VANGL1: variants seen among roughly 807,000 people sequenced by gnomAD.
The protein encoded by VANGL1 is vang-like protein 1.
Under a neutral mutation model 48.4 loss-of-function variants are expected in VANGL1, and 18 were observed. That is an observed-to-expected ratio of 0.37 (90% CI 0.26 to 0.55). The LOEUF (loss-of-function observed/expected upper bound fraction) is 0.55, where lower values mean the gene tolerates loss of function less well. Among genes scored for constraint, VANGL1 ranks in the 20% least tolerant of loss-of-function variants. VANGL1 has a pLI of 0.81. For synonymous variants in VANGL1, 257 were observed against 261.8 expected, an observed-to-expected ratio of 0.98 and a Z score of 0.18; for missense variants, 667 against 675.8, an observed-to-expected ratio of 0.99 and a Z score of 0.14.
intron 3 of VANGL1, among the ~76,000 whole-genome samples, chr1:115,661,761 G>A (rs908761356): frequency 4.6e-5 from 7 of 152,012 alleles, no homozygotes; most frequent in Non-Finnish European, 7.4e-5. Context: ...GGGATTACAG[G>A]CACGCACCAC....
chr1:115,650,690 C>T (rs892781028), intron 1 of VANGL1, among the ~76,000 whole-genome samples: 12 of 151,792 alleles, frequency 7.9e-5, no homozygotes, highest in Non-Finnish European at 1.3e-4. Context: ...TTTTCCTTAC[C>T]TATTCCTGTA....
chr1:115,668,975 A>G (rs901069066), intron 4 of VANGL1, among the ~76,000 whole-genome samples: 19 of 152,246 alleles, frequency 1.2e-4, no homozygotes, highest in Non-Finnish European at 2.4e-4. Context: ...GACAGAGGCT[A>G]CTAGGATGTT....
Position 115,685,279 on chromosome 1 carries a change from G to C in VANGL1, c.1080-14G>C, listed in dbSNP as rs371667583. On this transcript the variant is annotated splice_polypyrimidine_tract_variant and intron_variant, in intron 6 of 7. Transcript: ENST00000355485. ...GGCACCATCCTGATTACTTAGTGTT[G>C]CATCACCTTCTAGGCTGGTGGTTGC... 1.6e-5 allele frequency: 26 copies of C among 1,613,400 alleles called. No individual in the cohort carries two copies. Among genetic ancestry groups the C allele is most frequent in the Non-Finnish European group, 2.2e-5 (26 of 1,179,592 alleles).
Position 115,678,730 on chromosome 1 carries a change from C to T in VANGL1, c.813-3634C>T, listed in dbSNP as rs370642200. On this transcript the variant is annotated intron_variant, in intron 4 of 7. Transcript: ENST00000355485. ...CAGAACTTTGGGAGGCCAAGGTAGG[C>T]GGATCACTTGAGCTCAGGAGTTCAA... is the stretch of plus-strand genomic sequence containing the variant. 1.7e-4 allele frequency among the ~76,000 whole-genome samples: 26 copies of T among 152,076 alleles called. 2 individuals carry two copies. Among genetic ancestry groups the T allele is most frequent in the Admixed American group, 9.8e-4 (15 of 15,270 alleles).
chr1:115,672,267 T>C (rs1653003169), intron 4 of VANGL1, among the ~76,000 whole-genome samples: 1 of 152,174 alleles, frequency 6.6e-6, no homozygotes, highest in Non-Finnish European at 1.5e-5. Flanking sequence ...CCAATCTGCA[T>C]GTTCATCTTT....
chr1:115,682,314 T>C, intron 4 of VANGL1, 50 bp from the exon 5 acceptor site: 1 of 1,610,286 alleles, frequency 6.2e-7, no homozygotes, highest in Non-Finnish European at 8.5e-7. Context: ...GTTTAGGACC[T>C]GCTTCTTCAG....
chr1:115,656,560 G>A (rs1652362613), intron 2 of VANGL1, among the ~76,000 whole-genome samples: 1 of 152,238 alleles, frequency 6.6e-6, no homozygotes, highest in Admixed American at 6.5e-5. Flanking sequence ...GGTTTTTAAA[G>A]TTTAAGACAC....
At chr1:115,684,866 A>C (rs1653534410) in intron 6 of VANGL1, among the ~76,000 whole-genome samples, 1 of 152,116 alleles carries the variant, frequency 6.6e-6, no homozygotes, top group African/African-American at 2.4e-5. Context: ...ACCAGGGAGC[A>C]CGCAGCTCTG....
rs115234913 is a variant in VANGL1, at chr1:115,680,691, A to G, written c.813-1673A>G. On this transcript the variant is annotated intron_variant, in intron 4 of 7. Coordinates refer to ENST00000355485, the MANE Select transcript of VANGL1 (RefSeq NM_138959.3). ...GTTAGCTGACTGACTTCCATATTCA[A>G]TTCTGTTCAAGTCTTGAAGCAGAGC... Among the ~76,000 whole-genome samples, 165 of 152,192 alleles carry G rather than the reference A, an allele frequency of 1.1e-3. 1 individual carries two copies. The highest frequency in any genetic ancestry group is 3.7e-3 in the African/African-American group (155 of 41,526).
At position 115,696,487 on chromosome 1, in the gene VANGL1, C is replaced by T. The variant is rs1029205678; in HGVS notation, c.*5108C>T. 3 of 152,156 alleles carry T rather than the reference C, an allele frequency of 2.0e-5. No homozygotes were observed. Among genetic ancestry groups the T allele is most frequent in the African/African-American group, 4.8e-5 (2 of 41,436 alleles). 9.4% of individuals were successfully genotyped at this position (152,156 alleles called of 1,614,324 possible). A position where few individuals can be genotyped will look rare whatever the true frequency, so the allele number is the denominator to read the frequency against. On this transcript the variant is annotated 3_prime_UTR_variant, in exon 8 of 8. Coordinates refer to ENST00000355485, the MANE Select transcript of VANGL1 (RefSeq NM_138959.3). ...AAGTTTTGATTCAGTTGTGCATAAACCATAGTTTTCTGCCCTGCTGTTTGC... is the reference window on the plus strand; with the variant it reads ...AAGTTTTGATTCAGTTGTGCATAAATCATAGTTTTCTGCCCTGCTGTTTGC...
chr1:115,694,489 A>G lies in VANGL1; in HGVS notation c.*3110A>G, dbSNP rs1313293816. ...AAGTGCTCACCCCTGCCCTCTCTAC[A>G]GTAGTTGGTGGTAGATTTCTCTCTC... On this transcript the variant is annotated 3_prime_UTR_variant, in exon 8 of 8. Coordinates refer to ENST00000355485, the MANE Select transcript of VANGL1 (RefSeq NM_138959.3). 6.6e-6 allele frequency: 1 copy of G among 152,162 alleles called. No individual in the cohort carries two copies. Among genetic ancestry groups the G allele is most frequent in the Non-Finnish European group, 1.5e-5 (1 of 68,038 alleles). 9.4% of individuals were successfully genotyped at this position (152,162 alleles called of 1,614,324 possible).
intron 7 of VANGL1, 120 bp downstream of exon 7, chr1:115,685,647 A>G (rs1653578512): frequency 1.9e-6 from 2 of 1,030,782 alleles, no homozygotes; most frequent in Non-Finnish European, 3.0e-6. Flanking sequence ...AAACTCAAGT[A>G]ATAAGAATTA....
chr1:115,656,572 C>G (rs1652363252), intron 2 of VANGL1, among the ~76,000 whole-genome samples: 1 of 152,208 alleles, frequency 6.6e-6, no homozygotes, highest in Admixed American at 6.5e-5. Flanking sequence ...TTAAGACACA[C>G]TGGTTAGGGT....
intron 4 of VANGL1, among the ~76,000 whole-genome samples, chr1:115,674,219 C>T (rs1653084953): frequency 6.6e-6 from 1 of 152,202 alleles, no homozygotes; most frequent in South Asian, 2.1e-4. Context: ...AACAGCCCAG[C>T]TTTGCCCCCA....
chr1:115,681,288 C>T (rs2101026329), intron 4 of VANGL1, among the ~76,000 whole-genome samples: 1 of 152,134 alleles, frequency 6.6e-6, no homozygotes, highest in East Asian at 1.9e-4. Context: ...TTATAAGTAC[C>T]CTCCCACATC....
intron 2 of VANGL1, among the ~76,000 whole-genome samples, chr1:115,658,369 C>T (rs188039049): frequency 6.6e-6 from 1 of 152,322 alleles, no homozygotes; most frequent in East Asian, 1.9e-4. Flanking sequence ...GTCAAGACAC[C>T]ATTCTTTGAC....
At position 115,684,020 on chromosome 1, in the gene VANGL1, C is replaced by T. The variant is rs543050989; in HGVS notation, c.1023C>T (p.Asn341=). 2.1e-5 allele frequency: 34 copies of T among 1,614,096 alleles called. No individual in the cohort carries two copies. The South Asian group carries it at 2.6e-4, about 13-fold the overall frequency. Residue 341 remains asparagine (N), a synonymous_variant, in exon 6 of 8, where the codon AAC becomes AAT. Transcript: ENST00000355485. ...AAARRRDSSH[N]ELYYEEAEHE... ...CTCGGCGCAGGGACTCAAGCCACAA[C>T]GAGTTGTATTATGAAGAGGCCGAAC... is the stretch of plus-strand genomic sequence containing the variant.
At chr1:115,666,091 A>C (rs186388774) in intron 4 of VANGL1, among the ~76,000 whole-genome samples, 76 of 152,350 alleles carry the variant, frequency 5.0e-4, no homozygotes, top group Admixed American at 4.2e-3. Flanking sequence ...GTGGTAGAGA[A>C]AAATCCGGCT....
rs930852476 is a variant in VANGL1, at chr1:115,645,472, T to C, written c.-138+3386T>C. ...TTTAATACCTACCACAGATCTATAA[T>C]ATAAGTAAAATAAAATCTGTTGTTA... On this transcript the variant is annotated intron_variant, in intron 1 of 7. Coordinates refer to ENST00000355485, the MANE Select transcript of VANGL1 (RefSeq NM_138959.3). Among the ~76,000 whole-genome samples the C allele has an allele frequency of 2.0e-5, 3 of 152,236 alleles. No homozygotes were observed. In the East Asian group the frequency reaches 5.8e-4, roughly 29 times the overall value.
Sources: allele counts gnomAD v4.1 joint callset (sites outside exome capture counted in the v4.1 genomes callset), GRCh38; gene constraint gnomAD v4.1.1; transcripts MANE v1.5; gene names NCBI Gene and HGNC (gene_info 2026-07-23, HGNC 2026-07-21).